ZNF385D: variants seen among roughly 807,000 people sequenced by gnomAD.
The protein encoded by ZNF385D is zinc finger protein 659.
Under a neutral mutation model 35.8 loss-of-function variants are expected in ZNF385D, and 15 were observed. That is an observed-to-expected ratio of 0.42 (90% CI 0.28 to 0.64). The LOEUF is 0.64. Ranked by LOEUF, ZNF385D falls within the 30% of genes least tolerant of loss-of-function variation. The pLI, the probability that ZNF385D is intolerant of heterozygous loss-of-function variation, is 0.23. For missense variants in ZNF385D, 474 were observed against 494.6 expected (o/e 0.96, Z 0.39); for synonymous variants, 212 against 186.8 (o/e 1.13, Z -1.10).
At chr3:21,678,355 C>T (rs1427953798) in intron 1 of ZNF385D, among the ~76,000 whole-genome samples, 1 of 152,066 alleles carries the variant, frequency 6.6e-6, no homozygotes, top group Non-Finnish European at 1.5e-5. Flanking sequence ...CAGTGTTGAC[C>T]TGGTAAATCT....
At chr3:21,724,771 C>T (rs896961018) in intron 1 of ZNF385D, among the ~76,000 whole-genome samples, 1 of 152,068 alleles carries the variant, frequency 6.6e-6, no homozygotes, top group Non-Finnish European at 1.5e-5. Flanking sequence ...TTAGACAGAT[C>T]AACAAGACAG....
intron 3 of ZNF385D, among the ~76,000 whole-genome samples, chr3:21,881,093 G>A (rs181086982): frequency 1.3e-5 from 2 of 152,108 alleles, no homozygotes; most frequent in Admixed American, 6.6e-5. Context: ...GAAGCTGCAA[G>A]TAGTGATGTA....
At chr3:22,186,141 T>A (rs992652730) in intron 2 of ZNF385D, among the ~76,000 whole-genome samples, 1 of 152,178 alleles carries the variant, frequency 6.6e-6, no homozygotes, top group Non-Finnish European at 1.5e-5. Flanking sequence ...TTACTTCACG[T>A]AATTGGAGTT....
chr3:22,014,878 C>G (rs1248835244), intron 3 of ZNF385D, among the ~76,000 whole-genome samples: 4 of 152,062 alleles, frequency 2.6e-5, no homozygotes, highest in South Asian at 4.1e-4. Context: ...TTTAAAAATT[C>G]TGAAAGTAAA....
rs1015227427 is a variant in ZNF385D at position 21,419,306 on chromosome 3, C to G, written c.*1908G>C. On this transcript the variant is annotated 3_prime_UTR_variant, in exon 8 of 8. Transcript: ENST00000281523. ...TATAAAGCCAACTGCTTTAAAGATT[C>G]ATTTATATGACAAATTTCTATAGCT... 3 of 151,556 alleles carry G rather than the reference C, an allele frequency of 2.0e-5. No homozygotes were observed. The highest frequency in any genetic ancestry group is 7.3e-5 in the African/African-American group (3 of 41,184). 9.4% of individuals were successfully genotyped at this position (151,556 alleles called of 1,614,324 possible).
chr3:21,849,641 T>C, intron 3 of ZNF385D: 1 of 117,068 alleles, frequency 8.5e-6, no homozygotes, highest in Non-Finnish European at 1.8e-5. Context: ...CCACCATCGC[T>C]CTACACATCA....
At chr3:21,954,197 G>C (rs1559787464) in intron 3 of ZNF385D, among the ~76,000 whole-genome samples, 1 of 151,680 alleles carries the variant, frequency 6.6e-6, no homozygotes, top group Non-Finnish European at 1.5e-5. Context: ...CTGTACCTCA[G>C]TTTCTTTGCT....
chr3:21,805,149 G>C (rs1294053996), intron 3 of ZNF385D, among the ~76,000 whole-genome samples: 2 of 152,206 alleles, frequency 1.3e-5, no homozygotes, highest in Non-Finnish European at 2.9e-5. Flanking sequence ...TGTATGAATG[G>C]TGTGAGAAAA....
chr3:21,712,458 G>A (rs2068149583), intron 1 of ZNF385D, among the ~76,000 whole-genome samples: 1 of 152,028 alleles, frequency 6.6e-6, no homozygotes, highest in African/African-American at 2.4e-5. Context: ...CCCTACATTT[G>A]AACAATGTTT....
intron 3 of ZNF385D, among the ~76,000 whole-genome samples, chr3:22,109,839 G>A (rs1170922492): frequency 6.6e-6 from 1 of 152,242 alleles, no homozygotes; most frequent in East Asian, 1.9e-4. Context: ...GAGTGAACAG[G>A]CAGCGTACAG....
At chr3:22,087,139 ATCT>A (rs1701088394) in intron 3 of ZNF385D, among the ~76,000 whole-genome samples, 1 of 152,152 alleles carries the variant, frequency 6.6e-6, no homozygotes, top group South Asian at 2.1e-4. Context: ...TAATTATGAG[ATCT>A]TTTTTGAAAC....
chr3:21,987,930 T>C (rs1694906985), intron 3 of ZNF385D, among the ~76,000 whole-genome samples: 3 of 146,638 alleles, frequency 2.0e-5, no homozygotes, highest in South Asian at 2.4e-4. Flanking sequence ...CATCTTCCAT[T>C]GCTGATACCC....
intron 3 of ZNF385D, among the ~76,000 whole-genome samples, chr3:21,871,836 T>C (rs1231827537): frequency 6.6e-6 from 1 of 151,860 alleles, no homozygotes; most frequent in Non-Finnish European, 1.5e-5. Flanking sequence ...TGAAACCCCG[T>C]CTCTACTAAA....
At chr3:21,873,929 T>C (rs971460874) in intron 3 of ZNF385D, among the ~76,000 whole-genome samples, 2 of 152,112 alleles carry the variant, frequency 1.3e-5, no homozygotes, top group African/African-American at 4.8e-5. Flanking sequence ...TTGTGAATAA[T>C]GCTATTATAA....
At position 22,154,863 on chromosome 3, in the gene ZNF385D, A is replaced by G. The variant is rs77337902; in HGVS notation, c.325+13954T>C. Among the ~76,000 whole-genome samples the G allele has an allele frequency of 9.8e-3, 1,495 of 152,258 alleles. 30 individuals carry two copies. Among genetic ancestry groups the G allele is most frequent in the African/African-American group, 0.034 (1,413 of 41,562 alleles). ...GGATTCCTAATAACACCACCTCTCC[A>G]CAGAAAACAGGAAACATTCATCTTC... is the stretch of plus-strand genomic sequence containing the variant. On this transcript the variant is annotated intron_variant, in intron 3 of 5. Coordinates refer to the ZNF385D transcript ENST00000494108.
chr3:22,073,200 G>A (rs375840542), intron 3 of ZNF385D, among the ~76,000 whole-genome samples: 1 of 151,868 alleles, frequency 6.6e-6, no homozygotes, highest in Non-Finnish European at 1.5e-5. Context: ...CTGTGTTTAA[G>A]TCCCAAATAA....
chr3:21,687,474 C>G (rs2125332314), intron 1 of ZNF385D, among the ~76,000 whole-genome samples: 1 of 152,136 alleles, frequency 6.6e-6, no homozygotes, highest in Admixed American at 6.5e-5. Context: ...AGCAATTTCC[C>G]ATATACCCTC....
chr3:21,983,159 AT>A (rs771399662), intron 3 of ZNF385D, among the ~76,000 whole-genome samples: 6 of 100,880 alleles, frequency 5.9e-5, no homozygotes, highest in African/African-American at 1.8e-4. Flanking sequence ...ATTTTATTTT[AT>A]TTTATTATTT....
chr3:21,769,076 G>C (rs553578886), intron 3 of ZNF385D, among the ~76,000 whole-genome samples: 1 of 152,080 alleles, frequency 6.6e-6, no homozygotes, highest in African/African-American at 2.4e-5. Flanking sequence ...TTAGCATGAA[G>C]GGCTGTTGAA....
Sources: gnomAD v4.1 joint callset for allele counts (sites outside exome capture counted in the v4.1 genomes callset) on GRCh38, gnomAD v4.1.1 for gene constraint, MANE v1.5 for transcripts, NCBI Gene and HGNC (gene_info 2026-07-23, HGNC 2026-07-21) for gene names.